The following ABCA10 variants were observed in gnomAD, a reference collection of about 807,000 sequenced individuals.
ABCA10 encodes the protein ATP-binding cassette sub-family A member 10.
A neutral mutation model predicts 187.5 loss-of-function variants in ABCA10; 169 were observed. The ratio of observed to expected loss-of-function variants is 0.90; its 90% CI spans 0.80 to 1.02. ABCA10 has a LOEUF of 1.02. Among genes scored for constraint, ABCA10 ranks in the 50% least tolerant of loss-of-function variants. The pLI is 0.00. For missense variants in ABCA10, 1,727 were observed against 1,812.4 expected (o/e 0.95, Z 0.86); for synonymous variants, 574 against 601.8 (o/e 0.95, Z 0.68).
intron 5 of ABCA10, among the ~76,000 whole-genome samples, chr17:69,220,678 G>A (rs2074741297): frequency 6.6e-6 from 1 of 152,214 alleles, no homozygotes; most frequent in African/African-American, 2.4e-5. Flanking sequence ...AGACATCAAA[G>A]TAGAGGTATC....
intron 3 of ABCA10, among the ~76,000 whole-genome samples, chr17:69,222,939 C>T (rs2074761666): frequency 6.6e-6 from 1 of 151,788 alleles, no homozygotes; most frequent in African/African-American, 2.4e-5. Context: ...AGTGTGATCT[C>T]ATTTTGGTAA....
chr17:69,194,266 C>A, intron 12 of ABCA10, 119 bp downstream of exon 12: 1 of 845,544 alleles, frequency 1.2e-6, no homozygotes, highest in South Asian at 1.6e-5. Context: ...ATCAATATTT[C>A]CTGCTCTAAA....
intron 27 of ABCA10, among the ~76,000 whole-genome samples, chr17:69,162,197 C>T (rs1054422363): frequency 9.2e-5 from 14 of 152,060 alleles, no homozygotes; most frequent in African/African-American, 1.2e-4. Context: ...CACATGGGAT[C>T]GAGATTCTGA....
intron 20 of ABCA10, 74 bp from the exon 21 acceptor site, chr17:69,182,882 T>A (rs571797489): frequency 6.6e-6 from 10 of 1,504,586 alleles, no homozygotes; most frequent in Non-Finnish European, 8.9e-6. Flanking sequence ...CTTAAAATAA[T>A]AATGATTGCC....
At chr17:69,193,378 G>C in intron 14 of ABCA10, 115 bp downstream of exon 14, 1 of 1,501,394 alleles carries the variant, frequency 6.7e-7, no homozygotes, top group Non-Finnish European at 8.9e-7. Flanking sequence ...AGCTTGCATG[G>C]TACTTTATTA....
chr17:69,203,886 G>T (rs2074568890), intron 9 of ABCA10, among the ~76,000 whole-genome samples: 1 of 152,172 alleles, frequency 6.6e-6, no homozygotes, highest in Admixed American at 6.5e-5. Context: ...ATAGAGAAAA[G>T]CTATGATCTC....
chr17:69,165,027 TA>T lies in ABCA10; in HGVS notation c.3218del (p.Leu1073Ter). The T allele has an allele frequency of 6.2e-7, 1 of 1,609,732 alleles. No homozygotes were observed. The highest frequency in any genetic ancestry group is 8.5e-7 in the Non-Finnish European group (1 of 1,176,252). On this transcript the variant is annotated frameshift_variant, in exon 26 of 39. Coordinates refer to ENST00000690296, the MANE Select transcript of ABCA10 (RefSeq NM_001377321.1). LOFTEE classifies it high-confidence loss of function. The stretch of plus-strand genomic sequence containing the variant: ...AAGGTATGAAAATCATGCACAAAAT[TA>T]AGTTGAGTTTTTCATATTGAGTTGA... ...MVSTQYEKLN[L>X]ILCMIFIPSF... is the part of the protein sequence containing the mutation.
At chr17:69,204,080 T>C (rs915966818) in intron 9 of ABCA10, among the ~76,000 whole-genome samples, 8 of 152,170 alleles carry the variant, frequency 5.3e-5, no homozygotes, top group Admixed American at 2.0e-4. Flanking sequence ...CAGGCACCTA[T>C]AGAGGGGCTT....
chr17:69,173,930 C>A (rs1416884701), intron 25 of ABCA10, among the ~76,000 whole-genome samples: 1 of 151,940 alleles, frequency 6.6e-6, no homozygotes, highest in Non-Finnish European at 1.5e-5. Context: ...GAGAGGCCTG[C>A]GTTTAAGTCT....
At position 69,193,131 on chromosome 17, in the gene ABCA10, C is replaced by A; in HGVS notation, c.1759G>T (p.Asp587Tyr). Reference sequence around the variant, plus strand: ...TCACCAGCCAAGATGTCAGCCTCATCCATGAATTGGGTACTGAAGAGGATA... The same window carrying A: ...TCACCAGCCAAGATGTCAGCCTCATACATGAATTGGGTACTGAAGAGGATA... ...RLILFSTQFMDEADILADRKV... is the reference protein window; with the variant it reads ...RLILFSTQFMYEADILADRKV... The change falls in exon 15 of 39, where the codon GAT becomes TAT. Residue 587 changes from aspartate to tyrosine, a missense_variant. Physicochemically the swap from Asp to Tyr is radical, Grantham distance 160 (BLOSUM62 -3). Transcript: ENST00000690296. 1 of 1,609,656 alleles carries A rather than the reference C, an allele frequency of 6.2e-7. No individual in the cohort carries two copies. The highest frequency in any genetic ancestry group is 8.5e-7 in the Non-Finnish European group (1 of 1,178,322).
intron 22 of ABCA10, among the ~76,000 whole-genome samples, chr17:69,179,209 C>A (rs59102036): frequency 0.12 from 16,316 of 134,196 alleles, 3,034 homozygotes; most frequent in African/African-American, 0.39. Flanking sequence ...ACAAAACAAA[C>A]AAAAAAAAAA....
Position 69,182,757 on chromosome 17 carries a change from A to C in ABCA10, c.2549T>G (p.Leu850Trp). Residue 850 changes from leucine to tryptophan, a missense_variant, in exon 21 of 39, where the codon TTG becomes TGG. Physicochemically the swap from Leu to Trp is moderately conservative, Grantham distance 61. Coordinates refer to ENST00000690296, the MANE Select transcript of ABCA10 (RefSeq NM_001377321.1). ...VHSLKCQDIV[L>W]EIDDFRNRNG... The stretch of plus-strand genomic sequence containing the variant: ...TCTGTTTCTAAAGTCATCTATTTCC[A>C]AAACTATATCCTGACACTTCAGTGA... 1 of 1,612,642 alleles carries C rather than the reference A, an allele frequency of 6.2e-7. No homozygotes were observed.
intron 9 of ABCA10, among the ~76,000 whole-genome samples, 187 bp downstream of exon 9, chr17:69,214,514 CAAA>C (rs11347438): frequency 1.5e-5 from 2 of 136,576 alleles, no homozygotes; most frequent in Non-Finnish European, 1.6e-5. Context: ...GACTCCGTCT[CAAA>C]AAAAAAAAAA....
Position 69,192,556 on chromosome 17 carries a change from T to A in ABCA10, c.1871+7A>T, listed in dbSNP as rs1331247944. 6.2e-7 allele frequency: 1 copy of A among 1,602,024 alleles called. No homozygotes were observed. Among genetic ancestry groups the A allele is most frequent in the Admixed American group, 1.7e-5 (1 of 59,772 alleles). On this transcript the variant is annotated splice_region_variant and intron_variant, in intron 16 of 38. Transcript: ENST00000690296. ...CATTTAAAAATAACTACACCTAGAA[T>A]ACATACCTTAAATGATATCCAATAC...
intron 9 of ABCA10, among the ~76,000 whole-genome samples, chr17:69,203,513 AC>A (rs2074564241): frequency 6.6e-6 from 1 of 152,108 alleles, no homozygotes; most frequent in African/African-American, 2.4e-5. Context: ...TACATAATTA[AC>A]CACCAAATCA....
At chr17:69,163,987 C>T (rs1013215327) in intron 27 of ABCA10, 87 bp downstream of exon 27, 5 of 992,452 alleles carry the variant, frequency 5.0e-6, no homozygotes, top group African/African-American at 1.7e-5. Flanking sequence ...TATTTTAAGA[C>T]ATTTAAATTT....
intron 1 of ABCA10, among the ~76,000 whole-genome samples, chr17:69,239,941 A>G (rs1388867855): frequency 6.6e-6 from 1 of 152,146 alleles, no homozygotes; most frequent in Non-Finnish European, 1.5e-5. Flanking sequence ...TTCTTGCATC[A>G]TGTACCATGG....
chr17:69,155,701 TAAAG>T, intron 29 of ABCA10, 100 bp downstream of exon 29: 1 of 1,369,210 alleles, frequency 7.3e-7, no homozygotes, highest in East Asian at 2.4e-5. Flanking sequence ...ATAGAAATAT[TAAAG>T]AAACTAAAGC....
chr17:69,171,851 G>A (rs1472250612), intron 25 of ABCA10, among the ~76,000 whole-genome samples: 1 of 136,082 alleles, frequency 7.3e-6, no homozygotes, highest in East Asian at 2.3e-4. Context: ...GAATGAGGGT[G>A]AAAAAAGATT....
Sources: allele counts gnomAD v4.1 joint callset (sites outside exome capture counted in the v4.1 genomes callset), GRCh38; gene constraint gnomAD v4.1.1; transcripts MANE v1.5; gene names NCBI Gene and HGNC (gene_info 2026-07-23, HGNC 2026-07-21).